LRP12: variants seen among roughly 807,000 people sequenced by gnomAD.
The protein encoded by LRP12 is low-density lipoprotein receptor-related protein 12.
In LRP12, 14 loss-of-function variants were observed where a neutral mutation model predicts 66.0. The ratio of observed to expected loss-of-function variants is 0.21; its 90% CI spans 0.14 to 0.33. LRP12 has a LOEUF of 0.33. LRP12 is among the 10% of genes least tolerant of loss of function. The probability of loss-of-function intolerance (pLI) is 1.00; values close to 1 mark genes in which losing one functional copy is unlikely to be tolerated. For missense variants in LRP12, 889 were observed against 1,053.4 expected (o/e 0.84, Z 2.16); for synonymous variants, 357 against 359.1 (o/e 0.99, Z 0.07).
In LRP12 at chr8:104,577,428, C is replaced by G. The variant is rs529353146; in HGVS notation, c.79+11391G>C. 3.6e-4 allele frequency among the ~76,000 whole-genome samples: 55 copies of G among 152,280 alleles called. No homozygotes were observed. In the South Asian group the frequency reaches 0.011, roughly 31 times the overall value. ...TTAGGAATCAAGACTAAGAGACTCA[C>G]TAAAAACCATACAATTACATGAAAA... On this transcript the variant is annotated intron_variant, in intron 1 of 6. Transcript: ENST00000276654.
rs1218245529 is a variant in LRP12, at chr8:104,489,274, A to G, written c.*1399T>C. The stretch of plus-strand genomic sequence containing the variant: ...TCAAGGCAATAAAAAAAATCATTTT[A>G]ATTTTTGATACATATTAAAACATCT... On this transcript the variant is annotated 3_prime_UTR_variant, in exon 7 of 7. Transcript: ENST00000276654. 2 of 152,576 alleles carry G rather than the reference A, an allele frequency of 1.3e-5. No individual in the cohort carries two copies. Among genetic ancestry groups the G allele is most frequent in the African/African-American group, 4.8e-5 (2 of 41,456 alleles). 9.5% of individuals were successfully genotyped at this position (152,576 alleles called of 1,614,324 possible). A position where few individuals can be genotyped will look rare whatever the true frequency, so the allele number is the denominator to read the frequency against.
intron 2 of LRP12, among the ~76,000 whole-genome samples, chr8:104,514,619 G>A (rs530949879): frequency 1.3e-5 from 2 of 151,108 alleles, no homozygotes; most frequent in African/African-American, 4.9e-5. Context: ...GGAGGCTGAG[G>A]TGAGCTGAGA....
At chr8:104,535,000 G>A (rs1211362368) in intron 1 of LRP12, among the ~76,000 whole-genome samples, 5 of 148,792 alleles carry the variant, frequency 3.4e-5, no homozygotes, top group Admixed American at 1.4e-4. Context: ...TTTTTCAGAC[G>A]TCACCCTTTA....
In LRP12 at chr8:104,548,764, G is replaced by T. The variant is rs951050946; in HGVS notation, c.80-16801C>A. On this transcript the variant is annotated intron_variant, in intron 1 of 6. Coordinates refer to ENST00000276654, the MANE Select transcript of LRP12 (RefSeq NM_013437.5). ...GTTCGAGACCAGCCTGACCAACATG[G>T]AGAAACCCCGTCTCTACTAAAAATG... Among the ~76,000 whole-genome samples, 7 of 147,158 alleles carry T rather than the reference G, an allele frequency of 4.8e-5. No individual in the cohort carries two copies. In the East Asian group the frequency reaches 1.4e-3, roughly 30 times the overall value.
chr8:104,525,798 T>C lies in LRP12; in HGVS notation c.136+6109A>G, dbSNP rs1030455402. Among the ~76,000 whole-genome samples, 3 of 151,928 alleles carry C rather than the reference T, an allele frequency of 2.0e-5. No homozygotes were observed. In the South Asian group the frequency reaches 6.3e-4, roughly 32 times the overall value. ...AGACAGGGATGCCCTCTCTCACCACTCCTATTCAACATAGTGTTGGAAATT... is the reference window on the plus strand; with the variant it reads ...AGACAGGGATGCCCTCTCTCACCACCCCTATTCAACATAGTGTTGGAAATT... On this transcript the variant is annotated intron_variant, in intron 2 of 6. Transcript: ENST00000276654.
intron 1 of LRP12, among the ~76,000 whole-genome samples, chr8:104,547,135 A>G (rs1431721688): frequency 6.9e-6 from 1 of 145,082 alleles, no homozygotes; most frequent in Admixed American, 7.1e-5. Flanking sequence ...TACTTTGTAT[A>G]TAATATACAA....
intron 1 of LRP12, among the ~76,000 whole-genome samples, chr8:104,538,736 C>A (rs1305838164): frequency 6.6e-6 from 1 of 152,160 alleles, no homozygotes; most frequent in African/African-American, 2.4e-5. Flanking sequence ...ACTTCCCACA[C>A]GATGGAACTG....
In LRP12 at chr8:104,588,970, ACGCCGCCGCCGCCGCCGC is replaced by A. The variant is rs879237391; in HGVS notation, c.-91_-74del. On this transcript the variant is annotated 5_prime_UTR_variant, in exon 1 of 7. Transcript: ENST00000276654. ...GAGAAGCTGGAGGTAGACGACGCCG[ACGCCGCCGCCGCCGCCGC>A]CGCCGCCGCCGAGCCACCGGCTGCT... 65 of 601,240 alleles carry A rather than the reference ACGCCGCCGCCGCCGCCGC, an allele frequency of 1.1e-4. No homozygotes were observed. The highest frequency in any genetic ancestry group is 1.5e-4 in the Non-Finnish European group (59 of 387,268). The allele number at this position is 601,240 out of a possible 1,614,324, so 37.2% of individuals were successfully genotyped here. A position where few individuals can be genotyped will look rare whatever the true frequency, so the allele number is the denominator to read the frequency against.
chr8:104,536,307 G>C (rs139839471), intron 1 of LRP12, among the ~76,000 whole-genome samples: 1 of 151,982 alleles, frequency 6.6e-6, no homozygotes, highest in Non-Finnish European at 1.5e-5. Flanking sequence ...GGTATCTCTT[G>C]ATTCTCCCAT....
intron 3 of LRP12, among the ~76,000 whole-genome samples, chr8:104,502,393 C>T (rs778368884): frequency 3.3e-5 from 5 of 152,190 alleles, no homozygotes; most frequent in Non-Finnish European, 7.3e-5. Flanking sequence ...TTTAAGCACA[C>T]ACAATTCATG....
In LRP12 at chr8:104,587,984, A is replaced by C. The variant is rs149737182; in HGVS notation, c.79+835T>G. Among the ~76,000 whole-genome samples the C allele has an allele frequency of 5.0e-4, 76 of 152,308 alleles. 1 individual carries two copies. Among genetic ancestry groups the C allele is most frequent in the African/African-American group, 1.8e-3 (74 of 41,578 alleles). ...TAAGAGATAGATGTTCTTTGCAATT[A>C]ATTCCATTCAGCTCTTGCTCAGACC... On this transcript the variant is annotated intron_variant, in intron 1 of 6. Transcript: ENST00000276654.
chr8:104,508,818 T>C, intron 3 of LRP12, 121 bp downstream of exon 3: 1 of 856,330 alleles, frequency 1.2e-6, no homozygotes, highest in Non-Finnish European at 1.8e-6. Flanking sequence ...CTAATAGCTG[T>C]TCTTTATTAC....
intron 1 of LRP12, among the ~76,000 whole-genome samples, chr8:104,566,710 A>C (rs1176109701): frequency 6.6e-6 from 1 of 152,224 alleles, no homozygotes; most frequent in Non-Finnish European, 1.5e-5. Flanking sequence ...TTTAATGCAG[A>C]GGCCATAATC....
rs72679148 is a variant in LRP12, at chr8:104,584,981, G to C, written c.79+3838C>G. 7.4e-3 allele frequency among the ~76,000 whole-genome samples: 1,125 copies of C among 152,258 alleles called. 11 individuals carry two copies. Among genetic ancestry groups the C allele is most frequent in the Non-Finnish European group, 0.011 (749 of 68,020 alleles). On this transcript the variant is annotated intron_variant, in intron 1 of 6. Transcript: ENST00000276654. ...GATTCATCCATTACATATATGCAAA[G>C]TAAAAAGATTATTTTAGGCTACCAC...
At position 104,496,811 on chromosome 8, in the gene LRP12, G is replaced by C. The variant is rs1448637604; in HGVS notation, c.1580+161C>G. 3.9e-5 allele frequency among the ~76,000 whole-genome samples: 6 copies of C among 152,262 alleles called. No individual in the cohort carries two copies. In the East Asian group the frequency reaches 9.7e-4, roughly 25 times the overall value. On this transcript the variant is annotated intron_variant, in intron 5 of 6. Transcript: ENST00000276654. ...TAGTTTGTAATGTGTCTGGCCTTCT[G>C]AGTCTCGGGTTTTTCACGCTAATTT... is the stretch of plus-strand genomic sequence containing the variant.
chr8:104,536,152 C>T (rs1404926384), intron 1 of LRP12, among the ~76,000 whole-genome samples: 1 of 152,062 alleles, frequency 6.6e-6, no homozygotes, highest in Non-Finnish European at 1.5e-5. Flanking sequence ...CAGTCCGATT[C>T]TTCCTAACTA....
Position 104,580,273 on chromosome 8 carries a change from T to C in LRP12, c.79+8546A>G, listed in dbSNP as rs1812225021. Among the ~76,000 whole-genome samples, 5 of 151,804 alleles carry C rather than the reference T, an allele frequency of 3.3e-5. No homozygotes were observed. In the South Asian group the frequency reaches 1.0e-3, roughly 32 times the overall value. Reference sequence around the variant, plus strand: ...GGCTCACGCCTGTAATCCCAGCACTTTGGGAGGCCCAGGCAGGTGGATCAC... The same window carrying C: ...GGCTCACGCCTGTAATCCCAGCACTCTGGGAGGCCCAGGCAGGTGGATCAC... On this transcript the variant is annotated intron_variant, in intron 1 of 6. Coordinates refer to ENST00000276654, the MANE Select transcript of LRP12 (RefSeq NM_013437.5).
chr8:104,570,157 T>C (rs560436623), intron 1 of LRP12, among the ~76,000 whole-genome samples: 1 of 152,136 alleles, frequency 6.6e-6, no homozygotes, highest in Non-Finnish European at 1.5e-5. Flanking sequence ...ACAGAGCAAC[T>C]CTGCATTCAT....
chr8:104,494,710 A>G (rs1018118426), intron 6 of LRP12, among the ~76,000 whole-genome samples: 18 of 152,278 alleles, frequency 1.2e-4, no homozygotes, highest in Non-Finnish European at 1.9e-4. Flanking sequence ...ACTTTTACTT[A>G]TAAGTGGTTA....
Sources: gnomAD v4.1 joint callset for allele counts (sites outside exome capture counted in the v4.1 genomes callset) on GRCh38, gnomAD v4.1.1 for gene constraint, MANE v1.5 for transcripts, NCBI Gene and HGNC (gene_info 2026-07-23, HGNC 2026-07-21) for gene names.